The following HPSE2 variants were observed in gnomAD, a reference collection of about 807,000 sequenced individuals.
The protein encoded by HPSE2 is inactive heparanase-2.
In HPSE2, 38 loss-of-function variants were observed where a neutral mutation model predicts 60.5. That is an observed-to-expected ratio of 0.63 (90% CI 0.48 to 0.82). HPSE2 has a LOEUF of 0.82. HPSE2 is among the 40% of genes least tolerant of loss of function. The probability of loss-of-function intolerance (pLI) is 0.00; values close to 1 mark genes in which losing one functional copy is unlikely to be tolerated. For synonymous variants in HPSE2, 295 were observed against 293.2 expected (o/e 1.01, Z -0.06); for missense variants, 713 against 740.4 (o/e 0.96, Z 0.43).
At position 98,722,661 on chromosome 10, in the gene HPSE2, T is replaced by A. The variant is rs190229217; in HGVS notation, c.785-833A>T. Among the ~76,000 whole-genome samples the A allele has an allele frequency of 4.9e-4, 74 of 152,240 alleles. 1 individual carries two copies. Among genetic ancestry groups the A allele is most frequent in the Admixed American group, 3.3e-3 (50 of 15,280 alleles). On this transcript the variant is annotated intron_variant, in intron 4 of 11. Coordinates refer to ENST00000370552, the MANE Select transcript of HPSE2 (RefSeq NM_021828.5). ...GTAATTTTGAGCAAAGCCTCCTCTTTCAGCTTCCATTACCTTGGTAGTTCT... is the reference window on the plus strand; with the variant it reads ...GTAATTTTGAGCAAAGCCTCCTCTTACAGCTTCCATTACCTTGGTAGTTCT...
At chr10:98,803,734 AT>A (rs1950974121) in intron 3 of HPSE2, among the ~76,000 whole-genome samples, 1 of 150,732 alleles carries the variant, frequency 6.6e-6, no homozygotes, top group African/African-American at 2.5e-5. Context: ...GCCTTGTAGT[AT>A]AGTTTGAAGT....
chr10:99,305,781 A>G, the HPSE2 span, among the ~76,000 whole-genome samples: 1 of 152,068 alleles, frequency 6.6e-6, no homozygotes, highest in Non-Finnish European at 1.5e-5. Flanking sequence ...GTAGAAATGA[A>G]AAGATACAAA....
chr10:98,822,518 T>G (rs1446273148), intron 3 of HPSE2, among the ~76,000 whole-genome samples: 1 of 151,962 alleles, frequency 6.6e-6, no homozygotes, highest in Non-Finnish European at 1.5e-5. Context: ...GAAATGAACA[T>G]GAAAATGTAG....
chr10:98,738,631 A>G (rs1413100929), intron 4 of HPSE2, among the ~76,000 whole-genome samples: 1 of 152,060 alleles, frequency 6.6e-6, no homozygotes, highest in Non-Finnish European at 1.5e-5. Context: ...AATTTACAAG[A>G]AAAAAAACCC....
At chr10:98,801,666 TA>T (rs1174526120) in intron 3 of HPSE2, among the ~76,000 whole-genome samples, 14 of 151,778 alleles carry the variant, frequency 9.2e-5, no homozygotes. Flanking sequence ...ATAAAAACTA[TA>T]AAACACTGAT....
chr10:99,083,158 G>A (rs1357018265), intron 3 of HPSE2, among the ~76,000 whole-genome samples: 1 of 152,166 alleles, frequency 6.6e-6, no homozygotes, highest in Non-Finnish European at 1.5e-5. Context: ...CATGTAAAGG[G>A]ATATTACAGC....
At chr10:98,565,157 A>ATTT (rs55964470) in intron 9 of HPSE2, among the ~76,000 whole-genome samples, 63 of 149,388 alleles carry the variant, frequency 4.2e-4, no homozygotes, top group South Asian at 1.9e-3. Flanking sequence ...AACTTGAAGA[A>ATTT]TTTTTTTTTT....
Position 98,930,874 on chromosome 10 carries a change from T to G in HPSE2, c.611-186818A>C, listed in dbSNP as rs1321947032. Among the ~76,000 whole-genome samples, 2 of 144,414 alleles carry G rather than the reference T, an allele frequency of 1.4e-5. 1 individual carries two copies. The allele number at this position is 144,414 out of a possible 152,430, so 94.7% of individuals were successfully genotyped here. A position where few individuals can be genotyped will look rare whatever the true frequency, so the allele number is the denominator to read the frequency against. ...TTGTAGATTCTGGATATTAGCCCTT[T>G]GTCAGATGGATAGATTGCAAAAATT... On this transcript the variant is annotated intron_variant, in intron 3 of 11. Transcript: ENST00000370552.
intron 9 of HPSE2, among the ~76,000 whole-genome samples, chr10:98,507,657 C>T (rs1340483771): frequency 6.6e-6 from 1 of 151,908 alleles, no homozygotes; most frequent in Non-Finnish European, 1.5e-5. Context: ...TTTTCAAACT[C>T]CGTCCTCCCC....
At chr10:99,056,438 C>T (rs930398844) in intron 3 of HPSE2, among the ~76,000 whole-genome samples, 1 of 152,086 alleles carries the variant, frequency 6.6e-6, no homozygotes, top group African/African-American at 2.4e-5. Context: ...AATGCTTTCA[C>T]CTCATTTTAT....
chr10:99,162,118 A>C (rs2862516), intron 2 of HPSE2, among the ~76,000 whole-genome samples: 77,434 of 151,992 alleles, frequency 0.51, 21,522 homozygotes, highest in East Asian at 0.65. Flanking sequence ...ATGGTTTGTA[A>C]AACAACTATC....
At chr10:99,047,926 A>T (rs1957894628) in intron 3 of HPSE2, 3 of 755,960 alleles carry the variant, frequency 4.0e-6, no homozygotes, top group African/African-American at 3.4e-5. Context: ...TCAGGATCAG[A>T]GGTATCGATG....
chr10:99,306,016 A>ACACACACACACACACAC, the HPSE2 span, among the ~76,000 whole-genome samples: 1 of 37,656 alleles, frequency 2.7e-5, no homozygotes, highest in East Asian at 5.8e-4. Context: ...CACACACACC[A>ACACACACACACACACAC]GACTGCTGGG....
intron 3 of HPSE2, among the ~76,000 whole-genome samples, chr10:98,762,506 T>G (rs183945736): frequency 4.1e-4 from 63 of 152,218 alleles, no homozygotes; most frequent in African/African-American, 1.5e-3. Context: ...TGGAGTTACC[T>G]GCAGGCAAAA....
intron 9 of HPSE2, among the ~76,000 whole-genome samples, chr10:98,492,767 A>C (rs1300149477): frequency 6.6e-6 from 1 of 151,852 alleles, no homozygotes. Flanking sequence ...GAAGTTGATA[A>C]GGTTAATTCC....
chr10:98,810,770 TA>T (rs1423649571), intron 3 of HPSE2, among the ~76,000 whole-genome samples: 1 of 151,550 alleles, frequency 6.6e-6, no homozygotes, highest in Non-Finnish European at 1.5e-5. Context: ...AAAAAAAAAA[TA>T]AAAATAAAAA....
intron 3 of HPSE2, among the ~76,000 whole-genome samples, chr10:99,124,561 C>T (rs954481816): frequency 1.3e-5 from 2 of 152,224 alleles, no homozygotes; most frequent in African/African-American, 2.4e-5. Flanking sequence ...ACCCAAAGTC[C>T]AGAGGGGGCC....
At chr10:98,520,468 G>A (rs2133771387) in intron 9 of HPSE2, among the ~76,000 whole-genome samples, 1 of 152,264 alleles carries the variant, frequency 6.6e-6, no homozygotes, top group African/African-American at 2.4e-5. Context: ...TTTAAGCGTA[G>A]ACTATACTGT....
intron 3 of HPSE2, among the ~76,000 whole-genome samples, chr10:99,087,303 A>G (rs1331512984): frequency 6.6e-6 from 1 of 152,184 alleles, no homozygotes; most frequent in East Asian, 1.9e-4. Flanking sequence ...CTTCCCTTTC[A>G]TGGTTAGTAG....
Sources: gnomAD v4.1 joint callset for allele counts (sites outside exome capture counted in the v4.1 genomes callset) on GRCh38, gnomAD v4.1.1 for gene constraint, MANE v1.5 for transcripts, NCBI Gene and HGNC (gene_info 2026-07-23, HGNC 2026-07-21) for gene names.